CHD4: variants seen among roughly 807,000 people sequenced by gnomAD.
CHD4 encodes the protein chromodomain helicase DNA binding protein 4.
A neutral mutation model predicts 235.5 loss-of-function variants in CHD4; 35 were observed. That is an observed-to-expected ratio of 0.15 (90% confidence interval 0.11 to 0.20). The LOEUF is 0.20. Among genes scored for constraint, CHD4 ranks in the 10% least tolerant of loss-of-function variants. The pLI, the probability that CHD4 is intolerant of heterozygous loss-of-function variation, is 1.00. For missense variants in CHD4, 1,329 were observed against 2,432.3 expected (o/e 0.55, Z 9.54); for synonymous variants, 900 against 850.2 (o/e 1.06, Z -1.02).
intron 14 of CHD4, 121 bp from the exon 15 acceptor site, chr12:6,594,771 C>T (rs550138109): frequency 1.6e-5 from 14 of 860,668 alleles, no homozygotes; most frequent in South Asian, 5.5e-5. Flanking sequence ...CCGGAAAATT[C>T]GGAGGGAAGA....
chr12:6,592,940 G>A, intron 17 of CHD4, 123 bp from the exon 18 acceptor site: 1 of 1,509,412 alleles, frequency 6.6e-7, no homozygotes, highest in Non-Finnish European at 8.9e-7. Context: ...TCTTTTTAAA[G>A]GCCTGGCCAC....
intron 25 of CHD4, among the ~76,000 whole-genome samples, chr12:6,584,892 T>C (rs1313132753): frequency 5.9e-5 from 9 of 152,258 alleles, no homozygotes; most frequent in Non-Finnish European, 5.9e-5. Context: ...GTGAGCATTC[T>C]ATCAATAGGG....
intron 12 of CHD4, among the ~76,000 whole-genome samples, chr12:6,597,243 TC>T (rs1438539608): frequency 1.3e-5 from 2 of 151,362 alleles, no homozygotes; most frequent in Non-Finnish European, 2.9e-5. Context: ...GCCACTGCAC[TC>T]CAGCCTGGGT....
chr12:6,595,460 C>T, intron 13 of CHD4, 30 bp from the exon 14 acceptor site: 1 of 1,592,892 alleles, frequency 6.3e-7, no homozygotes, highest in Non-Finnish European at 8.6e-7. Context: ...CACAGCTGCC[C>T]AAAATCCTTT....
At chr12:6,583,856 T>C (rs1948236440) in intron 25 of CHD4, 1 of 152,946 alleles carries the variant, frequency 6.5e-6, no homozygotes, top group Admixed American at 6.5e-5. Flanking sequence ...AAAAGAATTC[T>C]ATATAGCCTC....
At chr12:6,605,955 G>T (rs760978874) in intron 2 of CHD4, among the ~76,000 whole-genome samples, 3 of 151,966 alleles carry the variant, frequency 2.0e-5, no homozygotes, top group Non-Finnish European at 4.4e-5. Flanking sequence ...AGCCTCCAGG[G>T]GTCCCAGCTA....
intron 25 of CHD4, among the ~76,000 whole-genome samples, chr12:6,586,148 C>A (rs193136496): frequency 1.3e-5 from 2 of 151,810 alleles, no homozygotes; most frequent in East Asian, 3.9e-4. Flanking sequence ...CCTGTAATCC[C>A]AGCACTTTGG....
intron 10 of CHD4, among the ~76,000 whole-genome samples, chr12:6,599,033 C>T (rs1948545246): frequency 6.6e-6 from 1 of 152,174 alleles, no homozygotes; most frequent in Admixed American, 6.5e-5. Context: ...CTTAACAGAG[C>T]CAGTAGTTAG....
chr12:6,573,907 G>A (rs928394654), intron 37 of CHD4, among the ~76,000 whole-genome samples: 1 of 139,940 alleles, frequency 7.1e-6, no homozygotes, highest in Admixed American at 6.8e-5. Flanking sequence ...ACCTGTAACT[G>A]CAGCTACTCA....
chr12:6,575,766 C>T (rs1948060163), intron 37 of CHD4, among the ~76,000 whole-genome samples: 1 of 152,148 alleles, frequency 6.6e-6, no homozygotes, highest in African/African-American at 2.4e-5. Flanking sequence ...GTGCCAAGAA[C>T]CCACCTACTG....
At chr12:6,607,144 C>A (rs1298525957) in intron 1 of CHD4, among the ~76,000 whole-genome samples, 156 bp downstream of exon 1, 1 of 151,710 alleles carries the variant, frequency 6.6e-6, no homozygotes, top group Non-Finnish European at 1.5e-5. Context: ...GGAGGCCGGG[C>A]GCCCTGCAGG....
chr12:6,583,427 C>T, intron 25 of CHD4, 49 bp from the exon 26 acceptor site: 12 of 1,512,210 alleles, frequency 7.9e-6, no homozygotes, highest in Non-Finnish European at 1.1e-5. Context: ...GTCAGCACCA[C>T]CAGCTACCCC....
intron 31 of CHD4, 44 bp downstream of exon 31, chr12:6,581,605 G>GAA (rs1476208170): frequency 6.2e-7 from 1 of 1,613,350 alleles, no homozygotes; most frequent in African/African-American, 1.3e-5. Flanking sequence ...AATAGGCCAG[G>GAA]ACAAAAAGAG....
At chr12:6,582,092 T>C (rs951623266) in intron 30 of CHD4, 45 bp downstream of exon 30, 2 of 1,508,366 alleles carry the variant, frequency 1.3e-6, no homozygotes, top group Non-Finnish European at 1.8e-6. Context: ...TGTGAGCCAC[T>C]GCGCCTGGCC....
At chr12:6,597,114 A>C (rs1360553490) in intron 12 of CHD4, among the ~76,000 whole-genome samples, 1 of 84,014 alleles carries the variant, frequency 1.2e-5, no homozygotes, top group Non-Finnish European at 2.3e-5. Flanking sequence ...CTAAAAATAC[A>C]AAAAAAAAAA....
chr12:6,579,282 T>G (rs1433758446), intron 33 of CHD4: 1 of 300,910 alleles, frequency 3.3e-6, no homozygotes, highest in African/African-American at 2.1e-5. Flanking sequence ...AAACCCTGTC[T>G]CTACTAAAAG....
At chr12:6,586,705 G>GT (rs760854708) in intron 25 of CHD4, 3,161 of 145,848 alleles carry the variant, frequency 0.022, 108 homozygotes, top group African/African-American at 0.072. Flanking sequence ...TTTTTTTGTT[G>GT]TTTTTTTTTT....
chr12:6,606,162 T>TC, intron 2 of CHD4, 112 bp downstream of exon 2: 1 of 713,904 alleles, frequency 1.4e-6, no homozygotes, highest in South Asian at 1.9e-5. Context: ...ACCCTCCACC[T>TC]CCGGCTCTGC....
chr12:6,587,633 A>G (rs1186218587), intron 24 of CHD4, 74 bp from the exon 25 acceptor site: 1 of 1,605,812 alleles, frequency 6.2e-7, no homozygotes, highest in African/African-American at 1.3e-5. Flanking sequence ...GTCCCACAAG[A>G]CCCTTGGTAT....
Sources: allele counts gnomAD v4.1 joint callset (sites outside exome capture counted in the v4.1 genomes callset), GRCh38; gene constraint gnomAD v4.1.1; transcripts MANE v1.5; gene names NCBI Gene and HGNC (gene_info 2026-07-23, HGNC 2026-07-21).